The following DLG2 variants were observed in gnomAD, a reference collection of about 807,000 sequenced individuals.
The protein encoded by DLG2 is disks large homolog 2.
In DLG2, 45 loss-of-function variants were observed where a neutral mutation model predicts 132.5. The ratio of observed to expected loss-of-function variants is 0.34; its 90% confidence interval spans 0.27 to 0.44. The LOEUF is 0.44. Among genes scored for constraint, DLG2 ranks in the 20% least tolerant of loss-of-function variants. DLG2 has a pLI of 1.00. For synonymous variants in DLG2, 424 were observed against 419.6 expected (o/e 1.01, Z -0.13); for missense variants, 1,045 against 1,196.9 (o/e 0.87, Z 1.87).
intron 15 of DLG2, among the ~76,000 whole-genome samples, chr11:83,928,650 A>C (rs1758290818): frequency 6.6e-6 from 1 of 152,170 alleles, no homozygotes; most frequent in South Asian, 2.1e-4. Flanking sequence ...GTCAGTCATC[A>C]TCTGGGTTTG....
Position 83,962,986 on chromosome 11 carries a change from G to T in DLG2, c.1239C>A (p.Gly413=), listed in dbSNP as rs748227806. 8.7e-6 allele frequency: 14 copies of T among 1,612,864 alleles called. No homozygotes were observed. Among genetic ancestry groups the T allele is most frequent in the Admixed American group, 3.3e-5 (2 of 59,926 alleles). The change falls in exon 14 of 28, where the codon GGC becomes GGA. Residue 413 remains glycine (G), a synonymous_variant. Coordinates refer to ENST00000376104, the MANE Select transcript of DLG2 (RefSeq NM_001142699.3). ...SPPMENHLLS[G]NNGTLEYKTS... The stretch of plus-strand genomic sequence containing the variant: ...TTTTATATTCTAAAGTGCCATTGTT[G>T]CCAGAGAGTAGATGGTTTTCCATTG...
At chr11:85,134,391 T>C (rs974578085) in intron 5 of DLG2, among the ~76,000 whole-genome samples, 2 of 148,646 alleles carry the variant, frequency 1.3e-5, no homozygotes, top group South Asian at 2.1e-4. Flanking sequence ...TAGCCGGGCG[T>C]AGTGGCGGGC....
At chr11:83,725,580 AAATT>A (rs1444531557) in intron 18 of DLG2, among the ~76,000 whole-genome samples, 4 of 152,332 alleles carry the variant, frequency 2.6e-5, no homozygotes, top group African/African-American at 9.6e-5. Flanking sequence ...TCAATCTCAG[AAATT>A]AATCTTTGTC....
At chr11:85,530,285 T>C (rs1278802972) in intron 3 of DLG2, among the ~76,000 whole-genome samples, 1 of 150,854 alleles carries the variant, frequency 6.6e-6, no homozygotes, top group African/African-American at 2.4e-5. Flanking sequence ...TGTAAGCCAC[T>C]GCGCCTGGCC....
chr11:84,522,417 T>C (rs1292968228), intron 7 of DLG2, among the ~76,000 whole-genome samples: 1 of 152,146 alleles, frequency 6.6e-6, no homozygotes. Flanking sequence ...CTGTTCTATG[T>C]AAAGGAACTT....
chr11:83,807,682 T>A (rs1224301868), intron 17 of DLG2, among the ~76,000 whole-genome samples: 1 of 152,064 alleles, frequency 6.6e-6, no homozygotes, highest in Non-Finnish European at 1.5e-5. Context: ...GACCAAGAAT[T>A]TAACTGTGGA....
intron 6 of DLG2, among the ~76,000 whole-genome samples, chr11:84,804,400 A>G (rs1458722467): frequency 2.0e-5 from 3 of 152,238 alleles, no homozygotes; most frequent in African/African-American, 4.8e-5. Flanking sequence ...CACTTCCAAG[A>G]ACATGAAGTA....
chr11:83,899,083 C>G (rs550079070), intron 15 of DLG2, among the ~76,000 whole-genome samples: 1 of 151,018 alleles, frequency 6.6e-6, no homozygotes, highest in South Asian at 2.1e-4. Context: ...AGGATATTTT[C>G]AAGTTAAATC....
At chr11:84,043,701 T>A (rs1461725539) in intron 11 of DLG2, among the ~76,000 whole-genome samples, 1 of 151,808 alleles carries the variant, frequency 6.6e-6, no homozygotes. Flanking sequence ...CTTCTTTTTT[T>A]AATTTTTGTG....
At chr11:83,613,628 G>A (rs2060413182) in intron 19 of DLG2, among the ~76,000 whole-genome samples, 1 of 152,170 alleles carries the variant, frequency 6.6e-6, no homozygotes, top group African/African-American at 2.4e-5. Context: ...GATTAAAATT[G>A]AAAGTCATTT....
At chr11:83,709,704 C>A (rs563074552) in intron 18 of DLG2, among the ~76,000 whole-genome samples, 80 of 152,292 alleles carry the variant, frequency 5.3e-4, no homozygotes, top group Non-Finnish European at 7.9e-4. Flanking sequence ...TGAAACTTGA[C>A]TCTCCAAATT....
At chr11:84,966,463 A>G (rs952095627) in intron 6 of DLG2, among the ~76,000 whole-genome samples, 3 of 152,262 alleles carry the variant, frequency 2.0e-5, no homozygotes, top group South Asian at 2.1e-4. Flanking sequence ...AGAGGGAAAA[A>G]CATGACTTGA....
At position 85,573,987 on chromosome 11, in the gene DLG2, T is replaced by C. The variant is rs115749256; in HGVS notation, c.40+24670A>G. Among the ~76,000 whole-genome samples the C allele has an allele frequency of 8.8e-3, 1,346 of 152,254 alleles. 21 individuals are homozygous for C. Among genetic ancestry groups the C allele is most frequent in the African/African-American group, 0.032 (1,309 of 41,552 alleles). On this transcript the variant is annotated intron_variant, in intron 3 of 27. Transcript: ENST00000376104. ...AAATTTCTTATCTAGAAATTGACAT[T>C]TTCAAGAAATTGGGAGATTAATTTT...
intron 18 of DLG2, among the ~76,000 whole-genome samples, chr11:83,694,710 C>T (rs1230689651): frequency 6.6e-6 from 1 of 150,672 alleles, no homozygotes; most frequent in African/African-American, 2.5e-5. Context: ...GATTTTTGAA[C>T]CCAAGGGACT....
rs75139648 is a variant in DLG2, at chr11:85,322,012, T to C, written c.41-36647A>G. Among the ~76,000 whole-genome samples the C allele has an allele frequency of 6.9e-3, 1,049 of 152,224 alleles. 13 individuals carry two copies. The highest frequency in any genetic ancestry group is 0.024 in the African/African-American group (983 of 41,546). On this transcript the variant is annotated intron_variant, in intron 3 of 27. Coordinates refer to ENST00000376104, the MANE Select transcript of DLG2 (RefSeq NM_001142699.3). ...CAGGAAATGTGTGGCAGCAGTTCCC[T>C]ATTTCCTATTACATTTTACTTCATT... is the stretch of plus-strand genomic sequence containing the variant.
intron 6 of DLG2, among the ~76,000 whole-genome samples, chr11:84,556,915 C>A (rs374708783): frequency 6.6e-6 from 1 of 152,066 alleles, no homozygotes. Flanking sequence ...AATAATGTAA[C>A]AAACTTCCTC....
intron 6 of DLG2, among the ~76,000 whole-genome samples, chr11:84,934,962 G>T (rs545396581): frequency 6.6e-6 from 1 of 152,002 alleles, no homozygotes; most frequent in Non-Finnish European, 1.5e-5. Context: ...CTGGAACTTC[G>T]AATTCATTAT....
At chr11:85,513,459 T>C (rs2094116953) in intron 3 of DLG2, among the ~76,000 whole-genome samples, 1 of 152,078 alleles carries the variant, frequency 6.6e-6, no homozygotes, top group African/African-American at 2.4e-5. Context: ...GAGATGTCAA[T>C]AGTGAGCAAA....
At chr11:85,462,417 A>G (rs1293266086) in intron 3 of DLG2, among the ~76,000 whole-genome samples, 1 of 152,210 alleles carries the variant, frequency 6.6e-6, no homozygotes, top group East Asian at 1.9e-4. Flanking sequence ...TCCGACAATG[A>G]TAGACTGGAT....
Sources: allele counts gnomAD v4.1 joint callset (sites outside exome capture counted in the v4.1 genomes callset), GRCh38; gene constraint gnomAD v4.1.1; transcripts MANE v1.5; gene names NCBI Gene and HGNC (gene_info 2026-07-23, HGNC 2026-07-21).